The following SRPK2 variants were observed in gnomAD, a reference collection of about 807,000 sequenced individuals.
The protein encoded by SRPK2 is SFRS protein kinase 2.
In SRPK2, 21 loss-of-function variants were observed where a neutral mutation model predicts 90.8. The ratio of observed to expected loss-of-function variants is 0.23; its 90% CI spans 0.16 to 0.33. The LOEUF (loss-of-function observed/expected upper bound fraction) is 0.33. Ranked by LOEUF, SRPK2 falls within the 10% of genes least tolerant of loss-of-function variation. The probability of loss-of-function intolerance (pLI) is 1.00; values close to 1 mark genes in which losing one functional copy is unlikely to be tolerated. For missense variants in SRPK2, 620 were observed against 869.0 expected (o/e 0.71, Z 3.60); for synonymous variants, 288 against 311.1 (o/e 0.93, Z 0.78).
intron 2 of SRPK2, among the ~76,000 whole-genome samples, chr7:105,248,754 A>C (rs1802071315): frequency 6.6e-6 from 1 of 152,148 alleles, no homozygotes; most frequent in South Asian, 2.1e-4. Flanking sequence ...ATCCTAGCTA[A>C]CACGGTGAAA....
intron 3 of SRPK2, among the ~76,000 whole-genome samples, chr7:105,199,995 C>G (rs1795352024): frequency 6.6e-6 from 1 of 151,420 alleles, no homozygotes; most frequent in Non-Finnish European, 1.5e-5. Flanking sequence ...TCCTACTGTA[C>G]TTGAAGGTAA....
At chr7:105,226,955 TAAAG>T (rs975335760) in intron 2 of SRPK2, among the ~76,000 whole-genome samples, 3 of 152,036 alleles carry the variant, frequency 2.0e-5, no homozygotes, top group African/African-American at 4.8e-5. Flanking sequence ...AAATTCCAAA[TAAAG>T]AGAGAGCGAG....
In SRPK2 at chr7:105,354,374, T is replaced by A. The variant is rs74839604; in HGVS notation, c.71+34274A>T. Among the ~76,000 whole-genome samples, 246 of 152,306 alleles carry A rather than the reference T, an allele frequency of 1.6e-3. 1 individual carries two copies. The highest frequency in any genetic ancestry group is 5.6e-3 in the African/African-American group (233 of 41,566). ...AGCTCATCCACCCTGTACTCAGAGATGCTTTTTTCCTCCTGCACAGGCTGT... is the reference window on the plus strand; with the variant it reads ...AGCTCATCCACCCTGTACTCAGAGAAGCTTTTTTCCTCCTGCACAGGCTGT... On this transcript the variant is annotated intron_variant, in intron 2 of 15. Transcript: ENST00000393651.
At chr7:105,182,816 A>G in intron 3 of SRPK2, among the ~76,000 whole-genome samples, 1 of 152,198 alleles carries the variant, frequency 6.6e-6, no homozygotes. Flanking sequence ...AGTATTTATT[A>G]GAAGATTTCC....
At chr7:105,311,296 G>A (rs566621197) in intron 2 of SRPK2, among the ~76,000 whole-genome samples, 6 of 152,104 alleles carry the variant, frequency 3.9e-5, no homozygotes, top group South Asian at 4.2e-4. Context: ...ACAATGGCGC[G>A]ATCTGGACTT....
intron 2 of SRPK2, among the ~76,000 whole-genome samples, chr7:105,296,551 G>A (rs770076245): frequency 6.6e-6 from 1 of 152,096 alleles, no homozygotes; most frequent in African/African-American, 2.4e-5. Flanking sequence ...GTATAATAAA[G>A]TATAACTTAG....
chr7:105,285,711 C>A (rs1157780223), intron 2 of SRPK2, among the ~76,000 whole-genome samples: 1 of 152,154 alleles, frequency 6.6e-6, no homozygotes, highest in Non-Finnish European at 1.5e-5. Flanking sequence ...CTCTCTTGCT[C>A]CAGCTCTTAC....
chr7:105,366,026 T>C (rs1298959651), intron 2 of SRPK2, among the ~76,000 whole-genome samples: 1 of 152,010 alleles, frequency 6.6e-6, no homozygotes, highest in Non-Finnish European at 1.5e-5. Context: ...AGCTAATCTT[T>C]GTATTTTTAG....
chr7:105,244,864 A>G, intron 2 of SRPK2: 1 of 1,234,342 alleles, frequency 8.1e-7, no homozygotes, highest in South Asian at 1.2e-5. Context: ...CGGGTCCTCA[A>G]GTTCATCAAG....
intron 11 of SRPK2, among the ~76,000 whole-genome samples, chr7:105,139,448 A>T (rs1803376496): frequency 6.6e-6 from 1 of 152,222 alleles, no homozygotes; most frequent in Non-Finnish European, 1.5e-5. Flanking sequence ...TTCTCACTGG[A>T]GCAACAAGAA....
At chr7:105,368,010 A>G (rs144674079) in intron 2 of SRPK2, among the ~76,000 whole-genome samples, 106 of 152,326 alleles carry the variant, frequency 7.0e-4, no homozygotes, top group African/African-American at 2.5e-3. Flanking sequence ...TAAGGAGAGT[A>G]CAGTTACAAA....
intron 2 of SRPK2, among the ~76,000 whole-genome samples, chr7:105,242,430 T>G (rs1800937958): frequency 6.6e-6 from 1 of 152,108 alleles, no homozygotes; most frequent in African/African-American, 2.4e-5. Context: ...GAGAATTGCT[T>G]GAACCTGGGA....
At chr7:105,383,419 A>AT (rs113732829) in intron 2 of SRPK2, among the ~76,000 whole-genome samples, 199 of 131,494 alleles carry the variant, frequency 1.5e-3, no homozygotes, top group Middle Eastern at 0.014. Context: ...ACAAAACAGA[A>AT]TTTTTTTTTT....
chr7:105,282,500 C>T lies in SRPK2; in HGVS notation c.72-78715G>A, dbSNP rs151280433. On this transcript the variant is annotated intron_variant, in intron 2 of 15. Transcript: ENST00000393651. The stretch of plus-strand genomic sequence containing the variant: ...ATCATAAAAATTAAAAACATTTGTG[C>T]ATTAAAAGACATTATCAAAGGGCCA... Among the ~76,000 whole-genome samples, 205 of 152,254 alleles carry T rather than the reference C, an allele frequency of 1.3e-3. 2 individuals are homozygous for T. The highest frequency in any genetic ancestry group is 3.7e-3 in the African/African-American group (152 of 41,548).
chr7:105,366,074 TG>T (rs1345160868), intron 2 of SRPK2, among the ~76,000 whole-genome samples: 2 of 151,990 alleles, frequency 1.3e-5, no homozygotes, highest in African/African-American at 4.8e-5. Context: ...AGGATAGTCT[TG>T]ATCTCTTGAC....
intron 3 of SRPK2, among the ~76,000 whole-genome samples, chr7:105,193,144 G>A (rs891323361): frequency 6.6e-6 from 1 of 152,150 alleles, no homozygotes; most frequent in Non-Finnish European, 1.5e-5. Flanking sequence ...TTTTTCCGAT[G>A]TTACCTTCTA....
downstream of SRPK2, chr7:105,115,516 A>AAAGAT (rs1232604503): frequency 2.0e-5 from 3 of 152,196 alleles, no homozygotes. Context: ...ACAGAAAGGA[A>AAAGAT]AAGATAGATA....
At chr7:105,311,897 T>C (rs957903630) in intron 2 of SRPK2, among the ~76,000 whole-genome samples, 1 of 152,158 alleles carries the variant, frequency 6.6e-6, no homozygotes, top group Non-Finnish European at 1.5e-5. Flanking sequence ...AGAACTCAAA[T>C]CTTTGTGCAG....
rs886626493 is a variant in SRPK2 at position 105,371,774 on chromosome 7, T to A, written c.71+16874A>T. Among the ~76,000 whole-genome samples, 3 of 152,050 alleles carry A rather than the reference T, an allele frequency of 2.0e-5. No individual in the cohort carries two copies. The East Asian group carries it at 5.8e-4, about 29-fold the overall frequency. On this transcript the variant is annotated intron_variant, in intron 2 of 15. Coordinates refer to ENST00000393651, the MANE Select transcript of SRPK2 (RefSeq NM_182692.3). ...ACTGTTTAGACTGTGGGAAATATGA[T>A]GTTCTCTCTCTCTACCATCTCCACA... is the stretch of plus-strand genomic sequence containing the variant.
Sources: gnomAD v4.1 joint callset for allele counts (sites outside exome capture counted in the v4.1 genomes callset) on GRCh38, gnomAD v4.1.1 for gene constraint, MANE v1.5 for transcripts, NCBI Gene and HGNC (gene_info 2026-07-23, HGNC 2026-07-21) for gene names.